The following CDH23 variants were observed in gnomAD, a reference collection of about 807,000 sequenced individuals.
The protein encoded by CDH23 is cadherin-23.
A neutral mutation model predicts 317.1 loss-of-function variants in CDH23; 189 were observed. The ratio of observed to expected loss-of-function variants is 0.60; its 90% CI spans 0.53 to 0.67. The LOEUF (loss-of-function observed/expected upper bound fraction) is 0.67, where lower values mean the gene tolerates loss of function less well. Ranked by LOEUF, CDH23 falls within the 30% of genes least tolerant of loss-of-function variation. The pLI is 0.00. For missense variants in CDH23, 4,401 were observed against 4,592.4 expected (o/e 0.96, Z 1.20); for synonymous variants, 1,839 against 1,876.8 (o/e 0.98, Z 0.52).
chr10:71,716,194 C>G, intron 28 of CDH23: 2 of 1,550,974 alleles, frequency 1.3e-6, no homozygotes, highest in South Asian at 2.4e-5. Flanking sequence ...AGGTGGCCAG[C>G]AGGAGGAAGA....
At chr10:71,519,479 C>A (rs1388435752) in intron 6 of CDH23, among the ~76,000 whole-genome samples, 1 of 152,214 alleles carries the variant, frequency 6.6e-6, no homozygotes, top group Non-Finnish European at 1.5e-5. Context: ...ACTTAGGAAA[C>A]CAAGGGTCTA....
intron 14 of CDH23, among the ~76,000 whole-genome samples, chr10:71,670,722 A>G (rs1864108760): frequency 6.6e-6 from 1 of 152,222 alleles, no homozygotes; most frequent in Non-Finnish European, 1.5e-5. Flanking sequence ...AGCAGATCAT[A>G]GGGAGCCATT....
At chr10:71,662,144 G>A (rs1184785446) in intron 14 of CDH23, among the ~76,000 whole-genome samples, 3 of 151,816 alleles carry the variant, frequency 2.0e-5, no homozygotes, top group Non-Finnish European at 1.5e-5. Context: ...AGGGACCTGC[G>A]GGCGGAGTGA....
At position 71,751,877 on chromosome 10, in the gene CDH23, A is replaced by C; in HGVS notation, c.4845+9956A>C. ...TTGAATGTTGCTGCCACAGAACCAG[A>C]ATGGAAGGTCATCTGTGCTGTCCGG... On this transcript the variant is annotated intron_variant, in intron 38 of 69. Coordinates refer to ENST00000224721, the MANE Select transcript of CDH23 (RefSeq NM_022124.6). This position sits in a 1 kb window ranked among gnomAD's most constrained non-coding sequence, Gnocchi z 4.9. The C allele has an allele frequency of 1.3e-6, 2 of 1,538,888 alleles. No individual in the cohort carries two copies. Among genetic ancestry groups the C allele is most frequent in the Non-Finnish European group, 1.8e-6 (2 of 1,140,518 alleles).
intron 3 of CDH23, among the ~76,000 whole-genome samples, chr10:71,488,358 G>T (rs1852466139): frequency 3.3e-5 from 5 of 152,220 alleles, no homozygotes; most frequent in African/African-American, 1.2e-4. Context: ...AAAAAGATGG[G>T]AATCTTTCTG....
At chr10:71,399,803 C>T (rs1455459182) in intron 1 of CDH23, among the ~76,000 whole-genome samples, 1 of 152,072 alleles carries the variant, frequency 6.6e-6, no homozygotes, top group East Asian at 1.9e-4. Context: ...AACCCCTGCA[C>T]ATGGGCCAGA....
chr10:71,768,812 T>C (rs1840620089), intron 38 of CDH23, among the ~76,000 whole-genome samples: 1 of 152,256 alleles, frequency 6.6e-6, no homozygotes, highest in African/African-American at 2.4e-5. Flanking sequence ...GATTAGTTTA[T>C]GTAATCCTTC....
intron 28 of CDH23, among the ~76,000 whole-genome samples, chr10:71,720,590 T>A (rs1866511017): frequency 6.6e-6 from 1 of 152,206 alleles, no homozygotes; most frequent in South Asian, 2.1e-4. Flanking sequence ...ACAGGAGTCA[T>A]GGCCCTGTCC....
intron 41 of CDH23, among the ~76,000 whole-genome samples, chr10:71,780,926 T>C (rs922540284): frequency 2.6e-5 from 4 of 152,130 alleles, no homozygotes; most frequent in Non-Finnish European, 5.9e-5. Context: ...GCTAACTGAT[T>C]GGCTGTGGGA....
At chr10:71,761,450 A>T in intron 38 of CDH23, 1 of 963,280 alleles carries the variant, frequency 1.0e-6, no homozygotes, top group South Asian at 1.7e-5. Context: ...CACACCCTTG[A>T]CCACCCCATC....
chr10:71,731,999 T>C lies in CDH23; in HGVS notation c.3728T>C (p.Leu1243Pro), dbSNP rs1273806300. ...ATDRDSGDGGLVNYRILSGAE... is the reference protein window; with the variant it reads ...ATDRDSGDGGPVNYRILSGAE... The stretch of plus-strand genomic sequence containing the variant: ...TGTCCTCCTACAGGGGATGGTGGCC[T>C]GGTGAACTACCGCATCCTGTCGGGC... The change falls in exon 32 of 70, where the codon CTG (leucine) becomes CCG (proline). Residue 1243 changes from leucine to proline, a missense_variant. Physicochemically the swap from Leu to Pro is moderately conservative, Grantham distance 98. Transcript: ENST00000224721. The C allele has an allele frequency of 1.2e-6, 2 of 1,613,578 alleles. No individual in the cohort carries two copies. The highest frequency in any genetic ancestry group is 1.7e-6 in the Non-Finnish European group (2 of 1,179,582).
At chr10:71,741,613 C>A (rs969086219) in intron 37 of CDH23, 81 bp from the exon 38 acceptor site, 2 of 1,215,926 alleles carry the variant, frequency 1.6e-6, no homozygotes, top group Admixed American at 2.0e-5. Context: ...ACAGGGGGAG[C>A]CTTCGGGCTA....
At chr10:71,591,584 GTT>G (rs990318762) in intron 9 of CDH23, among the ~76,000 whole-genome samples, 1 of 152,020 alleles carries the variant, frequency 6.6e-6, no homozygotes, top group Non-Finnish European at 1.5e-5. Context: ...CCCTTAAAGA[GTT>G]TTTTTAAGAT....
intron 32 of CDH23, among the ~76,000 whole-genome samples, chr10:71,733,516 A>C (rs996115532): frequency 4.6e-5 from 7 of 152,150 alleles, no homozygotes; most frequent in African/African-American, 1.7e-4. Context: ...GAGTTGCCTC[A>C]TTAGAACAAA....
chr10:71,730,047 G>A (rs933034466), intron 30 of CDH23, among the ~76,000 whole-genome samples: 2 of 152,012 alleles, frequency 1.3e-5, no homozygotes, highest in Admixed American at 1.3e-4. Context: ...TGTTAGCCAG[G>A]ATGGTCTCGA....
intron 6 of CDH23, among the ~76,000 whole-genome samples, chr10:71,515,341 A>G (rs980207961): frequency 6.8e-6 from 1 of 147,604 alleles, no homozygotes; most frequent in East Asian, 2.1e-4. Context: ...TTCAATGGCA[A>G]TGGATACCTG....
intron 1 of CDH23, among the ~76,000 whole-genome samples, chr10:71,426,328 C>T (rs992864980): frequency 2.6e-5 from 4 of 152,246 alleles, no homozygotes; most frequent in Admixed American, 6.5e-5. Context: ...AAGGGCCATC[C>T]TGTGAGAGAA....
chr10:71,414,272 A>G (rs1024738794), intron 1 of CDH23, among the ~76,000 whole-genome samples: 1 of 152,218 alleles, frequency 6.6e-6, no homozygotes, highest in African/African-American at 2.4e-5. Context: ...ATCTTAGGAG[A>G]AAAGCATTCA....
intron 66 of CDH23, 60 bp downstream of exon 66, chr10:71,812,075 G>A: frequency 6.2e-7 from 1 of 1,613,282 alleles, no homozygotes; most frequent in Non-Finnish European, 8.5e-7. Context: ...GACCCAGCTG[G>A]GGAGAGCTGC....
Sources: gnomAD v4.1 joint callset for allele counts (sites outside exome capture counted in the v4.1 genomes callset) on GRCh38, gnomAD v4.1.1 for gene constraint, Gnocchi (gnomAD v3.1) non-coding constraint, MANE v1.5 for transcripts, NCBI Gene and HGNC (gene_info 2026-07-23, HGNC 2026-07-21) for gene names.